Variants in GALR1 observed in about 807,000 individuals in gnomAD.
The protein encoded by GALR1 is galanin receptor type 1.
A neutral mutation model predicts 17.9 loss-of-function variants in GALR1; 11 were observed. That is an observed-to-expected ratio of 0.62 (90% CI 0.39 to 1.02). GALR1 has a LOEUF of 1.02. Among genes scored for constraint, GALR1 ranks in the 50% least tolerant of loss-of-function variants. GALR1 has a pLI of 0.01. For synonymous variants in GALR1, 206 were observed against 205.7 expected (o/e 1.00, Z -0.01); for missense variants, 441 against 456.9 (o/e 0.97, Z 0.32).
chr18:77,262,414 A>G (rs1912851934), intron 2 of GALR1, among the ~76,000 whole-genome samples: 1 of 152,180 alleles, frequency 6.6e-6, no homozygotes, highest in African/African-American at 2.4e-5. Flanking sequence ...TTCCACTGGC[A>G]TGGAACTTCT....
At chr18:77,259,352 G>GT (rs1912756960) in intron 2 of GALR1, among the ~76,000 whole-genome samples, 1 of 137,430 alleles carries the variant, frequency 7.3e-6, no homozygotes, top group Admixed American at 7.3e-5. Context: ...TGATGGTGGT[G>GT]GATGGTGGTG....
intron 2 of GALR1, among the ~76,000 whole-genome samples, chr18:77,262,159 A>G (rs1312814990): frequency 1.3e-5 from 2 of 152,088 alleles, no homozygotes; most frequent in East Asian, 1.9e-4. Context: ...TTCCTGGGTA[A>G]CTAGTAAACT....
rs5374 is a variant in GALR1 at position 77,250,689 on chromosome 18, T to C, written c.141T>C (p.Gly47=). 0.61 allele frequency: 987,318 copies of C among 1,612,500 alleles called. 308,168 individuals are homozygous for C. The highest frequency in any genetic ancestry group is 0.65 in the Middle Eastern group (3,958 of 6,058). Residue 47 remains glycine, a synonymous_variant, in exon 1 of 3, where the codon GGT becomes GGC. Coordinates refer to ENST00000299727, the MANE Select transcript of GALR1 (RefSeq NM_001480.4). The part of the protein sequence containing the change: ...LVVFGLIFAL[G]VLGNSLVITV... ...TGTTCGGCCTGATCTTCGCGCTGGGTGTGCTGGGCAACAGCCTAGTGATCA... is the reference window on the plus strand; with the variant it reads ...TGTTCGGCCTGATCTTCGCGCTGGGCGTGCTGGGCAACAGCCTAGTGATCA...
Position 77,268,915 on chromosome 18 carries a change from T to A in GALR1, c.*13T>A. The A allele has an allele frequency of 6.3e-7, 1 of 1,590,976 alleles. No individual in the cohort carries two copies. The highest frequency in any genetic ancestry group is 8.6e-7 in the Non-Finnish European group (1 of 1,161,620). ...TACTCATGTGTGATAAAAGATAGAG[T>A]ATCCTTATGGTTGAGTTTCCATATA... On this transcript the variant is annotated 3_prime_UTR_variant, in exon 3 of 3. Transcript: ENST00000299727.
rs778585624 is a variant in GALR1 at position 77,250,627 on chromosome 18, T to C, written c.79T>C (p.Phe27Leu). Residue 27 changes from phenylalanine to leucine, a missense_variant, in exon 1 of 3, where the codon TTC (phenylalanine) becomes CTC (leucine). Phe to Leu is a conservative substitution (Grantham distance 22). Coordinates refer to ENST00000299727, the MANE Select transcript of GALR1 (RefSeq NM_001480.4). ...EPPAPEPGPL[F>L]GIGVENFVTL... ...CCCCGCCCCGGAGCCCGGGCCGCTG[T>C]TCGGCATCGGCGTGGAGAACTTCGT... 31 of 1,590,702 alleles carry C rather than the reference T, an allele frequency of 1.9e-5. No individual in the cohort carries two copies. In the Middle Eastern group the frequency reaches 6.7e-4, roughly 34 times the overall value.
At position 77,272,311 on chromosome 18, in the gene GALR1, G is replaced by C. The variant is rs1913080889; in HGVS notation, c.*3409G>C. 1.3e-5 allele frequency: 2 copies of C among 152,204 alleles called. No individual in the cohort carries two copies. The highest frequency in any genetic ancestry group is 2.4e-5 in the African/African-American group (1 of 41,448). 9.4% of individuals were successfully genotyped at this position (152,204 alleles called of 1,614,324 possible). On this transcript the variant is annotated 3_prime_UTR_variant, in exon 3 of 3. Transcript: ENST00000299727. Reference sequence around the variant, plus strand: ...CCCAGATGCTTTGAGGCAGTGCAGCGATCATTCTAATATGTTAACTGAGAC... The same window carrying C: ...CCCAGATGCTTTGAGGCAGTGCAGCCATCATTCTAATATGTTAACTGAGAC...
Position 77,250,704 on chromosome 18 carries a change from C to T in GALR1, c.156C>T (p.Ser52=), listed in dbSNP as rs368175092. The T allele has an allele frequency of 1.9e-6, 3 of 1,613,556 alleles. No homozygotes were observed. In the East Asian group the frequency reaches 6.7e-5, roughly 36 times the overall value. The change falls in exon 1 of 3, where the codon AGC becomes AGT. Residue 52 remains serine, a synonymous_variant. Transcript: ENST00000299727. ...LIFALGVLGN[S]LVITVLARSK... ...TCGCGCTGGGTGTGCTGGGCAACAG[C>T]CTAGTGATCACCGTGCTGGCGCGCA...
At chr18:77,257,899 T>C (rs1394389826) in intron 2 of GALR1, among the ~76,000 whole-genome samples, 1 of 152,272 alleles carries the variant, frequency 6.6e-6, no homozygotes, top group Non-Finnish European at 1.5e-5. Context: ...ACACCATTGA[T>C]CTGTGATAAA....
At chr18:77,265,337 C>G (rs1382504197) in intron 2 of GALR1, among the ~76,000 whole-genome samples, 2 of 152,254 alleles carry the variant, frequency 1.3e-5, no homozygotes, top group South Asian at 2.1e-4. Context: ...CCAGGTCACA[C>G]TGATGCAAGA....
chr18:77,258,620 G>C, intron 2 of GALR1, among the ~76,000 whole-genome samples: 1 of 150,330 alleles, frequency 6.7e-6, no homozygotes, highest in Non-Finnish European at 1.5e-5. Flanking sequence ...TGATGGTGGT[G>C]GTGGTGATGG....
At chr18:77,264,650 A>C (rs1912907811) in intron 2 of GALR1, among the ~76,000 whole-genome samples, 1 of 152,168 alleles carries the variant, frequency 6.6e-6, no homozygotes, top group Non-Finnish European at 1.5e-5. Context: ...TGGGTAATTT[A>C]TAAAGAAAAG....
chr18:77,256,066 A>T, intron 1 of GALR1, 92 bp from the exon 2 acceptor site: 1 of 723,614 alleles, frequency 1.4e-6, no homozygotes, highest in Non-Finnish European at 2.5e-6. Context: ...TAGTGATGTT[A>T]CCATTTCAGC....
intron 2 of GALR1, among the ~76,000 whole-genome samples, chr18:77,263,250 A>C (rs754115402): frequency 3.3e-5 from 5 of 152,214 alleles, no homozygotes; most frequent in African/African-American, 1.2e-4. Flanking sequence ...CTAATGGATA[A>C]ATGGATTGAT....
chr18:77,268,410 T>C (rs1356185553), intron 2 of GALR1, among the ~76,000 whole-genome samples, 175 bp from the exon 3 acceptor site: 13 of 152,224 alleles, frequency 8.5e-5, no homozygotes, highest in Admixed American at 8.5e-4. Context: ...AGGTTAACAC[T>C]TAAAGCAGAT....
intron 2 of GALR1, among the ~76,000 whole-genome samples, chr18:77,263,227 C>A (rs1269946310): frequency 1.3e-5 from 2 of 152,154 alleles, no homozygotes. Flanking sequence ...CTGAGAATGG[C>A]ATTTCTCATC....
At chr18:77,260,274 A>T (rs1912801270) in intron 2 of GALR1, among the ~76,000 whole-genome samples, 1 of 152,136 alleles carries the variant, frequency 6.6e-6, no homozygotes, top group African/African-American at 2.4e-5. Flanking sequence ...ACAGAGTGGA[A>T]GGTGAAAGGC....
chr18:77,250,136 G>A lies in GALR1; in HGVS notation c.-413G>A, dbSNP rs557416889. Among the ~76,000 whole-genome samples, 57 of 152,314 alleles carry A rather than the reference G, an allele frequency of 3.7e-4. No homozygotes were observed. The highest frequency in any genetic ancestry group is 1.3e-3 in the African/African-American group (54 of 41,596). On this transcript the variant is annotated 5_prime_UTR_variant, in exon 1 of 3. Transcript: ENST00000299727. ...CAGGTGCAGCACGCAGCCCCTCCGG[G>A]AGCCAGGGAAAACCGCCGGCGAAGA...
At position 77,250,563 on chromosome 18, in the gene GALR1, C is replaced by A; in HGVS notation, c.15C>A (p.Val5=). The change falls in exon 1 of 3, where the codon GTC becomes GTA. Residue 5 remains valine, a synonymous_variant. Transcript: ENST00000299727. MELA[V]GNLSEGNASW... The stretch of plus-strand genomic sequence containing the variant: ...CCCCGCGGGCCATGGAGCTGGCGGT[C>A]GGGAACCTCAGCGAGGGCAACGCGA... 2.0e-6 allele frequency: 3 copies of A among 1,533,384 alleles called. No individual in the cohort carries two copies. Among genetic ancestry groups the A allele is most frequent in the Non-Finnish European group, 2.6e-6 (3 of 1,145,256 alleles). 95.0% of individuals were successfully genotyped at this position (1,533,384 alleles called of 1,614,324 possible). A position where few individuals can be genotyped will look rare whatever the true frequency, so the allele number is the denominator to read the frequency against.
rs1305810272 is a variant in GALR1, at chr18:77,270,488, T to A, written c.*1586T>A. 1 of 151,874 alleles carries A rather than the reference T, an allele frequency of 6.6e-6. No homozygotes were observed. Among genetic ancestry groups the A allele is most frequent in the Non-Finnish European group, 1.5e-5 (1 of 68,038 alleles). The allele number at this position is 151,874 out of a possible 1,614,324, so 9.4% of individuals were successfully genotyped here. On this transcript the variant is annotated 3_prime_UTR_variant, in exon 3 of 3. Coordinates refer to ENST00000299727, the MANE Select transcript of GALR1 (RefSeq NM_001480.4). ...AAGACTGCACCACTGCACTTCAGCC[T>A]GGATGACAGAGTAAGACTCTGTCTA...
Sources: allele counts gnomAD v4.1 joint callset (sites outside exome capture counted in the v4.1 genomes callset), GRCh38; gene constraint gnomAD v4.1.1; transcripts MANE v1.5; gene names NCBI Gene and HGNC (gene_info 2026-07-23, HGNC 2026-07-21).